The following DCTN2 variants were observed in gnomAD, a reference collection of about 807,000 sequenced individuals.
DCTN2 encodes 50 kDa dynein-associated polypeptide.
In DCTN2, 18 loss-of-function variants were observed where a neutral mutation model predicts 55.4. That is an observed-to-expected ratio of 0.32 (90% CI 0.22 to 0.48). The LOEUF (loss-of-function observed/expected upper bound fraction) is 0.48, where lower values mean the gene tolerates loss of function less well. Among genes scored for constraint, DCTN2 ranks in the 20% least tolerant of loss-of-function variants. DCTN2 has a pLI of 0.99. For missense variants in DCTN2, 390 were observed against 491.0 expected (o/e 0.79, Z 1.94); for synonymous variants, 168 against 185.2 (o/e 0.91, Z 0.76).
chr12:57,539,069 G>A (rs1285546397), intron 2 of DCTN2, among the ~76,000 whole-genome samples: 3 of 152,192 alleles, frequency 2.0e-5, no homozygotes, highest in Non-Finnish European at 4.4e-5. Context: ...ACATTTGGAT[G>A]GCAGAATCAG....
chr12:57,535,491 T>TATTCTCCAG lies in DCTN2; in HGVS notation c.248_256dup (p.Ser83_Glu85dup). The TATTCTCCAG allele has an allele frequency of 6.2e-7, 1 of 1,613,982 alleles. No individual in the cohort carries two copies. Among genetic ancestry groups the TATTCTCCAG allele is most frequent in the Non-Finnish European group, 8.5e-7 (1 of 1,179,870 alleles). On this transcript the variant is annotated inframe_insertion, in exon 4 of 14. Coordinates refer to ENST00000548249, the MANE Select transcript of DCTN2 (RefSeq NM_001261413.2). ...CACACACACACAACAAACCATCTCA[T>TATTCTCCAG]ATTCTCCAGATTCATATCCTGTCCT... is the stretch of plus-strand genomic sequence containing the variant.
In DCTN2 at chr12:57,534,353, C is replaced by T; in HGVS notation, c.463G>A (p.Glu155Lys). 6.2e-7 allele frequency: 1 copy of T among 1,612,568 alleles called. No individual in the cohort carries two copies. Among genetic ancestry groups the T allele is most frequent in the Non-Finnish European group, 8.5e-7 (1 of 1,179,038 alleles). Residue 155 changes from glutamate (E) to lysine (K), a missense_variant, in exon 6 of 14, where the codon GAG (glutamate) becomes AAG (lysine). By Grantham distance (56) the Glu-to-Lys change is moderately conservative. Coordinates refer to ENST00000548249, the MANE Select transcript of DCTN2 (RefSeq NM_001261413.2). ...GCAGCATCTGGTCCCAGCAGCTTCT[C>T]CAGGTGGGAAGCAACCAGCTGCTGC... Reference protein sequence around the residue: ...LKQQLVASHLEKLLGPDAAIN... With the variant: ...LKQQLVASHLKKLLGPDAAIN...
chr12:57,538,226 G>C (rs1035413347), intron 2 of DCTN2: 3 of 504,702 alleles, frequency 5.9e-6, no homozygotes, highest in Non-Finnish European at 1.1e-5. Flanking sequence ...CCTGCTGTGG[G>C]AGAGTGTCCT....
intron 1 of DCTN2, among the ~76,000 whole-genome samples, chr12:57,546,771 G>A (rs368871582): frequency 7.4e-4 from 113 of 152,328 alleles, no homozygotes; most frequent in African/African-American, 2.6e-3. Context: ...AGGCACAAGA[G>A]GTCAGTACCC....
At chr12:57,533,839 A>G in intron 7 of DCTN2, 114 bp downstream of exon 7, 1 of 1,076,444 alleles carries the variant, frequency 9.3e-7, no homozygotes, top group Non-Finnish European at 1.3e-6. Flanking sequence ...ATCAATCAAG[A>G]GGAATCAGAG....
At chr12:57,540,729 G>A (rs762437922) in intron 2 of DCTN2, among the ~76,000 whole-genome samples, 1 of 152,188 alleles carries the variant, frequency 6.6e-6, no homozygotes, top group Non-Finnish European at 1.5e-5. Context: ...AAAACTGTCC[G>A]GGATGGATCA....
chr12:57,534,189 C>T, intron 6 of DCTN2, 92 bp from the exon 7 acceptor site: 3 of 1,524,632 alleles, frequency 2.0e-6, no homozygotes, highest in Non-Finnish European at 1.8e-6. Flanking sequence ...CATTAAGAAA[C>T]ATCTAAGCCA....
intron 2 of DCTN2, chr12:57,541,231 C>G: frequency 1.0e-6 from 1 of 970,356 alleles, no homozygotes; most frequent in Non-Finnish European, 1.5e-6. Context: ...GGCCAGCAGG[C>G]CCCTCAGTGA....
intron 13 of DCTN2, 114 bp downstream of exon 13, chr12:57,531,900 AC>A (rs1260005815): frequency 2.7e-6 from 4 of 1,464,882 alleles, no homozygotes; most frequent in Admixed American, 4.2e-5. Flanking sequence ...CTCCAGACCA[AC>A]CCCCTGCCAC....
At chr12:57,541,082 T>G (rs546051670) in intron 2 of DCTN2, among the ~76,000 whole-genome samples, 4 of 152,276 alleles carry the variant, frequency 2.6e-5, no homozygotes, top group African/African-American at 9.6e-5. Flanking sequence ...TGCCTCATGT[T>G]CAAAAACATT....
intron 2 of DCTN2, 198 bp from the exon 3 acceptor site, chr12:57,536,043 TATAA>T: frequency 1.7e-6 from 1 of 590,666 alleles, no homozygotes; most frequent in Middle Eastern, 3.9e-4. Context: ...GCCTCAGTTG[TATAA>T]ATATTAACAC....
At chr12:57,538,509 G>A (rs1309635596) in intron 2 of DCTN2, 1 of 761,412 alleles carries the variant, frequency 1.3e-6, no homozygotes, top group Non-Finnish European at 2.4e-6. Flanking sequence ...TGAAAGGTCA[G>A]GCTTCTTACC....
chr12:57,535,349 T>A, intron 4 of DCTN2, 135 bp downstream of exon 4: 1 of 1,234,622 alleles, frequency 8.1e-7, no homozygotes, highest in Non-Finnish European at 1.2e-6. Flanking sequence ...AGAGTTTCCC[T>A]GGCTGCATCC....
At chr12:57,541,742 C>G (rs948953707) in intron 2 of DCTN2, among the ~76,000 whole-genome samples, 4 of 152,072 alleles carry the variant, frequency 2.6e-5, no homozygotes, top group African/African-American at 9.7e-5. Flanking sequence ...GGCTGTGGGC[C>G]CAGGGGTTAG....
intron 2 of DCTN2, 102 bp downstream of exon 2, chr12:57,545,926 G>T: frequency 4.9e-6 from 6 of 1,234,508 alleles, no homozygotes; most frequent in Non-Finnish European, 7.0e-6. Context: ...GGCTGGGGTT[G>T]GCATACCCGC....
chr12:57,546,383 C>A (rs1293299004), intron 1 of DCTN2, among the ~76,000 whole-genome samples: 1 of 151,994 alleles, frequency 6.6e-6, no homozygotes, highest in Non-Finnish European at 1.5e-5. Flanking sequence ...ATCACTATTG[C>A]CAAAGAAGGT....
At chr12:57,534,577 T>G in intron 5 of DCTN2, 125 bp from the exon 6 acceptor site, 2 of 943,190 alleles carry the variant, frequency 2.1e-6, no homozygotes, top group South Asian at 3.5e-5. Context: ...CATGACAGAC[T>G]GCCCACCTGT....
At chr12:57,534,802 G>A (rs931416428) in intron 5 of DCTN2, among the ~76,000 whole-genome samples, 1 of 152,152 alleles carries the variant, frequency 6.6e-6, no homozygotes, top group Non-Finnish European at 1.5e-5. Flanking sequence ...GAGTAGCTGG[G>A]ATTACAGGTA....
At chr12:57,536,003 A>G in intron 2 of DCTN2, 158 bp from the exon 3 acceptor site, 1 of 605,152 alleles carries the variant, frequency 1.7e-6, no homozygotes, top group Non-Finnish European at 2.9e-6. Flanking sequence ...GGCTTAACCT[A>G]GGAAACTGAA....
Sources: gnomAD v4.1 joint callset for allele counts (sites outside exome capture counted in the v4.1 genomes callset) on GRCh38, gnomAD v4.1.1 for gene constraint, MANE v1.5 for transcripts, NCBI Gene and HGNC (gene_info 2026-07-23, HGNC 2026-07-21) for gene names.